Variants in GASK1A observed in about 807,000 individuals in gnomAD.
GASK1A encodes golgi associated kinase 1A.
Under a neutral mutation model 41.2 loss-of-function variants are expected in GASK1A, and 40 were observed. That is an observed-to-expected ratio of 0.97 (90% CI 0.75 to 1.27). GASK1A has a LOEUF of 1.27. Among genes scored for constraint, GASK1A ranks in the 50% most tolerant of loss-of-function variants. GASK1A has a pLI of 0.00. For missense variants in GASK1A, 678 were observed against 745.1 expected, an observed-to-expected ratio of 0.91 and a Z score of 1.05; for synonymous variants, 316 against 307.1, an observed-to-expected ratio of 1.03 and a Z score of -0.30.
chr3:43,030,755 G>A lies in GASK1A; in HGVS notation c.4-1512G>A, dbSNP rs572112285. Among the ~76,000 whole-genome samples, 7 of 152,326 alleles carry A rather than the reference G, an allele frequency of 4.6e-5. No homozygotes were observed. In the South Asian group the frequency reaches 1.4e-3, roughly 32 times the overall value. ...GTGAGAATCTGTTGGCCCAGCATGG[G>A]TCAGGATCCAGGATGGCCCCATCAG... On this transcript the variant is annotated intron_variant, in intron 1 of 4. Coordinates refer to ENST00000430121, the MANE Select transcript of GASK1A (RefSeq NM_001129908.3).
chr3:43,036,526 A>G (rs1267565198), intron 2 of GASK1A, among the ~76,000 whole-genome samples: 2 of 152,132 alleles, frequency 1.3e-5, no homozygotes, highest in African/African-American at 2.4e-5. Context: ...TCTCTTATAC[A>G]CCCCATAAAG....
chr3:43,019,532 A>C (rs1365034516), intron 1 of GASK1A, among the ~76,000 whole-genome samples: 1 of 152,200 alleles, frequency 6.6e-6, no homozygotes, highest in Non-Finnish European at 1.5e-5. Context: ...GTCTGCTCAT[A>C]TATTCCCTTT....
At chr3:42,995,418 T>C (rs1490826607) in intron 1 of GASK1A, among the ~76,000 whole-genome samples, 3 of 152,196 alleles carry the variant, frequency 2.0e-5, no homozygotes. Flanking sequence ...TTCCCCTTTT[T>C]CAAGGGAAGC....
At chr3:43,026,321 C>T (rs149835847) in intron 1 of GASK1A, among the ~76,000 whole-genome samples, 4 of 152,248 alleles carry the variant, frequency 2.6e-5, no homozygotes, top group Admixed American at 6.5e-5. Flanking sequence ...CAAATTCCAC[C>T]GGGGTTCTAC....
At chr3:43,022,254 G>A (rs967069596) in intron 1 of GASK1A, among the ~76,000 whole-genome samples, 51 of 152,020 alleles carry the variant, frequency 3.4e-4, no homozygotes, top group African/African-American at 1.2e-3. Flanking sequence ...TTTTCCCAAA[G>A]CTTTACTTGG....
At chr3:43,015,045 G>A (rs561453668) in intron 1 of GASK1A, among the ~76,000 whole-genome samples, 2 of 151,870 alleles carry the variant, frequency 1.3e-5, no homozygotes, top group East Asian at 3.9e-4. Flanking sequence ...GCTGGGTGAA[G>A]TCACAGGAAG....
chr3:43,050,733 T>C (rs1278242541), intron 2 of GASK1A, among the ~76,000 whole-genome samples: 8 of 152,192 alleles, frequency 5.3e-5, no homozygotes, highest in Non-Finnish European at 1.5e-5. Context: ...TCATACTTGA[T>C]AATCTCAGTG....
chr3:42,997,584 C>G (rs1327682224), intron 1 of GASK1A, among the ~76,000 whole-genome samples: 1 of 152,190 alleles, frequency 6.6e-6, no homozygotes, highest in Non-Finnish European at 1.5e-5. Context: ...AGATTCTTCC[C>G]TCCTCAGCTG....
At chr3:43,038,562 G>A (rs1388719885) in intron 2 of GASK1A, among the ~76,000 whole-genome samples, 1 of 148,372 alleles carries the variant, frequency 6.7e-6, no homozygotes, top group Non-Finnish European at 1.5e-5. Context: ...TTTCATATTA[G>A]CAAATATGAA....
intron 1 of GASK1A, among the ~76,000 whole-genome samples, chr3:43,008,092 T>C (rs1212274637): frequency 1.3e-5 from 2 of 152,238 alleles, no homozygotes; most frequent in Non-Finnish European, 2.9e-5. Context: ...CTGATGGAGT[T>C]AGCTAGACCT....
At chr3:43,029,880 A>G (rs1045621538) in intron 1 of GASK1A, among the ~76,000 whole-genome samples, 2 of 152,178 alleles carry the variant, frequency 1.3e-5, no homozygotes, top group Non-Finnish European at 2.9e-5. Flanking sequence ...CCACTGACTT[A>G]GAAGGGACTG....
intron 1 of GASK1A, among the ~76,000 whole-genome samples, chr3:43,030,448 C>G (rs2089569100): frequency 6.6e-6 from 1 of 152,232 alleles, no homozygotes; most frequent in African/African-American, 2.4e-5. Flanking sequence ...CTGCGCAGTC[C>G]CGAAGAGCCC....
Position 43,033,107 on chromosome 3 carries a change from A to G in GASK1A, c.844A>G (p.Arg282Gly), listed in dbSNP as rs1334590682. 1 of 1,551,612 alleles carries G rather than the reference A, an allele frequency of 6.4e-7. No individual in the cohort carries two copies. The highest frequency in any genetic ancestry group is 1.4e-5 in the African/African-American group (1 of 73,064). Residue 282 changes from arginine (R) to glycine (G), a missense_variant, in exon 2 of 5, where the codon AGG becomes GGG. Arg to Gly is a moderately radical substitution (Grantham distance 125). Transcript: ENST00000430121. ...LAQGEVVDKA[R>G]VPAHGQVLQV... is the part of the protein sequence containing the mutation. ...ACAGGGGGAGGTGGTGGACAAAGCC[A>G]GGGTCCCCGCCCATGGGCAGGTGCT...
intron 1 of GASK1A, among the ~76,000 whole-genome samples, chr3:42,987,685 G>A (rs1327045230): frequency 2.0e-5 from 3 of 152,122 alleles, no homozygotes; most frequent in Non-Finnish European, 4.4e-5. Context: ...TGTACATATT[G>A]CCTTGATAAT....
chr3:42,996,419 GA>G (rs1385468839), intron 1 of GASK1A, among the ~76,000 whole-genome samples: 3 of 152,162 alleles, frequency 2.0e-5, no homozygotes, highest in African/African-American at 7.2e-5. Context: ...ACCACCATAA[GA>G]GGGCTTTTGT....
At chr3:43,029,248 A>C (rs773174944) in intron 1 of GASK1A, among the ~76,000 whole-genome samples, 11 of 151,288 alleles carry the variant, frequency 7.3e-5, no homozygotes, top group Non-Finnish European at 1.5e-4. Flanking sequence ...TCATGGTCTC[A>C]CTGTTCAGGC....
intron 1 of GASK1A, among the ~76,000 whole-genome samples, chr3:42,989,614 T>TGGGTCTCTTTGGAGGAGTCTCTGTG (rs1575434497): frequency 7.6e-5 from 2 of 26,144 alleles, no homozygotes; most frequent in African/African-American, 1.5e-4. Flanking sequence ...TGCTTTCTTT[T>TGGGTCTCTTTGGAGGAGTCTCTGTG]TTTTTTTTTT....
At chr3:43,001,438 A>C (rs2089408599) in intron 1 of GASK1A, among the ~76,000 whole-genome samples, 1 of 152,216 alleles carries the variant, frequency 6.6e-6, no homozygotes, top group African/African-American at 2.4e-5. Context: ...CAGAACAAAG[A>C]AAAGGAGCCA....
intron 2 of GASK1A, among the ~76,000 whole-genome samples, chr3:43,045,788 T>C (rs1018045350): frequency 2.0e-5 from 3 of 151,948 alleles, no homozygotes; most frequent in African/African-American, 7.3e-5. Context: ...ATCATGGGGG[T>C]TGGTTTCCTC....
Sources: allele counts gnomAD v4.1 joint callset (sites outside exome capture counted in the v4.1 genomes callset), GRCh38; gene constraint gnomAD v4.1.1; transcripts MANE v1.5; gene names NCBI Gene and HGNC (gene_info 2026-07-23, HGNC 2026-07-21).